Variants in FCHSD2 observed in about 807,000 individuals in gnomAD.
FCHSD2 encodes F-BAR and double SH3 domains protein 2.
FCHSD2 carries 38 observed loss-of-function variants against 108.1 expected under a neutral mutation model. That is an observed-to-expected ratio of 0.35 (90% CI 0.27 to 0.46). The LOEUF (loss-of-function observed/expected upper bound fraction) is 0.46. FCHSD2 is among the 20% of genes least tolerant of loss of function. The pLI, the probability that FCHSD2 is intolerant of heterozygous loss-of-function variation, is 1.00. For synonymous variants in FCHSD2, 279 were observed against 314.7 expected (o/e 0.89, Z 1.20); for missense variants, 751 against 897.8 (o/e 0.84, Z 2.09).
chr11:72,896,098 C>T (rs765067168), intron 10 of FCHSD2, among the ~76,000 whole-genome samples: 3 of 152,168 alleles, frequency 2.0e-5, no homozygotes, highest in East Asian at 1.9e-4. Context: ...TCCTCAACTA[C>T]AGCAAGTGGA....
chr11:72,883,969 A>G (rs891587866), intron 12 of FCHSD2, among the ~76,000 whole-genome samples: 1 of 151,934 alleles, frequency 6.6e-6, no homozygotes, highest in African/African-American at 2.4e-5. Context: ...ATGAGGTCAT[A>G]ATAATACCCA....
intron 3 of FCHSD2, among the ~76,000 whole-genome samples, chr11:73,082,267 G>A (rs1291265388): frequency 1.4e-5 from 2 of 141,412 alleles, no homozygotes; most frequent in Non-Finnish European, 3.0e-5. Context: ...AATCTGGGAG[G>A]TGGAAGTTGC....
At chr11:73,089,094 A>C (rs1859892827) in intron 2 of FCHSD2, among the ~76,000 whole-genome samples, 1 of 152,188 alleles carries the variant, frequency 6.6e-6, no homozygotes, top group Admixed American at 6.5e-5. Context: ...GATAACAACT[A>C]CTCAAAATTC....
chr11:72,854,705 ACT>A (rs1861376578), intron 13 of FCHSD2, among the ~76,000 whole-genome samples: 1 of 152,174 alleles, frequency 6.6e-6, no homozygotes, highest in African/African-American at 2.4e-5. Flanking sequence ...AAGATAAAAT[ACT>A]CTGATTCTAC....
At chr11:72,959,122 T>C (rs1856772461) in intron 8 of FCHSD2, among the ~76,000 whole-genome samples, 1 of 151,782 alleles carries the variant, frequency 6.6e-6, no homozygotes, top group Non-Finnish European at 1.5e-5. Flanking sequence ...CAGGCTTAGA[T>C]GGTCTGTATG....
At chr11:72,978,011 G>A (rs1857138573) in intron 8 of FCHSD2, among the ~76,000 whole-genome samples, 1 of 152,162 alleles carries the variant, frequency 6.6e-6, no homozygotes, top group Admixed American at 6.5e-5. Flanking sequence ...GTCCTTTGTA[G>A]GGACATGGAT....
chr11:73,060,244 A>G (rs77981438), intron 3 of FCHSD2, among the ~76,000 whole-genome samples: 204 of 152,338 alleles, frequency 1.3e-3, no homozygotes, highest in East Asian at 0.011. Context: ...ACAAATGTCT[A>G]ATTGTACCAT....
chr11:72,859,369 C>A (rs1415309935), intron 13 of FCHSD2, among the ~76,000 whole-genome samples: 1 of 152,056 alleles, frequency 6.6e-6, no homozygotes, highest in Non-Finnish European at 1.5e-5. Flanking sequence ...CTCGGTTATC[C>A]CAATTGACTG....
At position 73,141,979 on chromosome 11, in the gene FCHSD2, G is replaced by T. The variant is rs915967618; in HGVS notation, c.-102C>A. 5.8e-6 allele frequency: 7 copies of T among 1,209,186 alleles called. No individual in the cohort carries two copies. The highest frequency in any genetic ancestry group is 6.9e-6 in the Non-Finnish European group (6 of 865,812). 74.9% of individuals were successfully genotyped at this position (1,209,186 alleles called of 1,614,324 possible). On this transcript the variant is annotated 5_prime_UTR_variant, in exon 1 of 20. Coordinates refer to ENST00000409418, the MANE Select transcript of FCHSD2 (RefSeq NM_014824.3). The stretch of plus-strand genomic sequence containing the variant: ...GGGACGGCCCAGCGAGCGCGCGCGT[G>T]TGTGAAAGGAGCGCTTAAGAAGCAA...
chr11:73,001,523 G>C (rs371799308), intron 4 of FCHSD2, among the ~76,000 whole-genome samples: 8 of 152,218 alleles, frequency 5.3e-5, no homozygotes, highest in African/African-American at 1.9e-4. Context: ...AGGTAACTGA[G>C]GCCCAGAGAG....
At chr11:72,872,274 T>C (rs1218292126) in intron 12 of FCHSD2, among the ~76,000 whole-genome samples, 2 of 110,608 alleles carry the variant, frequency 1.8e-5, no homozygotes, top group Non-Finnish European at 3.4e-5. Context: ...CACACAACTT[T>C]TTTTTTCTTT....
intron 13 of FCHSD2, among the ~76,000 whole-genome samples, chr11:72,861,555 C>A (rs868691381): frequency 4.6e-5 from 7 of 152,194 alleles, no homozygotes; most frequent in African/African-American, 1.7e-4. Context: ...TGTAACAAAA[C>A]CAGACAAGAA....
chr11:72,889,546 C>CA (rs557628106), intron 11 of FCHSD2, among the ~76,000 whole-genome samples: 56 of 152,130 alleles, frequency 3.7e-4, no homozygotes, highest in Middle Eastern at 3.4e-3. Flanking sequence ...CCTATCTCTA[C>CA]AAAAAATCTA....
chr11:73,051,176 C>T (rs77960535), intron 3 of FCHSD2, among the ~76,000 whole-genome samples: 3 of 151,998 alleles, frequency 2.0e-5, no homozygotes, highest in African/African-American at 7.3e-5. Flanking sequence ...ATTAGCAGGA[C>T]GTGGTGTCAC....
intron 14 of FCHSD2, among the ~76,000 whole-genome samples, chr11:72,849,265 C>T (rs1861224520): frequency 6.6e-6 from 1 of 152,244 alleles, no homozygotes; most frequent in African/African-American, 2.4e-5. Flanking sequence ...TGATGACCCA[C>T]TATGGCTGGA....
In FCHSD2 at chr11:72,970,401, TATC is replaced by T. The variant is rs547147296; in HGVS notation, c.705+13684_705+13686del. ...CCTACAATAAAAGGTAATGGAAAAA[TATC>T]ATGTGTTATAGAAAACTGCATTTAA... On this transcript the variant is annotated intron_variant, in intron 8 of 19. Coordinates refer to ENST00000409418, the MANE Select transcript of FCHSD2 (RefSeq NM_014824.3). Among the ~76,000 whole-genome samples the T allele has an allele frequency of 2.5e-4, 38 of 152,296 alleles. No homozygotes were observed. The South Asian group carries it at 7.5e-3, about 30-fold the overall frequency.
At chr11:73,118,952 G>T (rs1458991773) in intron 2 of FCHSD2, among the ~76,000 whole-genome samples, 4 of 152,154 alleles carry the variant, frequency 2.6e-5, no homozygotes, top group African/African-American at 9.7e-5. Flanking sequence ...AGAATTATTT[G>T]AGACTCTTTT....
chr11:72,955,223 T>C (rs571024610), intron 8 of FCHSD2, among the ~76,000 whole-genome samples: 1 of 152,180 alleles, frequency 6.6e-6, no homozygotes, highest in Non-Finnish European at 1.5e-5. Flanking sequence ...ACACCTTTCT[T>C]AGGGTCGATT....
In FCHSD2 at chr11:72,977,738, T is replaced by C. The variant is rs568080041; in HGVS notation, c.705+6350A>G. On this transcript the variant is annotated intron_variant, in intron 8 of 19. Transcript: ENST00000409418. ...TTACACTGTTGGTGGGACTGTAAAC[T>C]AGTTCAACCATTGGGGCGATTCCTC... 5.9e-5 allele frequency among the ~76,000 whole-genome samples: 9 copies of C among 152,354 alleles called. No homozygotes were observed. In the South Asian group the frequency reaches 1.2e-3, roughly 21 times the overall value.
Sources: gnomAD v4.1 joint callset for allele counts (sites outside exome capture counted in the v4.1 genomes callset) on GRCh38, gnomAD v4.1.1 for gene constraint, MANE v1.5 for transcripts, NCBI Gene and HGNC (gene_info 2026-07-23, HGNC 2026-07-21) for gene names.